The following ZNF407 variants were observed in gnomAD, a reference collection of about 807,000 sequenced individuals.
The protein encoded by ZNF407 is zinc finger protein 407.
In ZNF407, 17 loss-of-function variants were observed where a neutral mutation model predicts 131.2. The ratio of observed to expected loss-of-function variants is 0.13; its 90% CI spans 0.09 to 0.19. The LOEUF (loss-of-function observed/expected upper bound fraction) is 0.19, where lower values mean the gene tolerates loss of function less well. Ranked by LOEUF, ZNF407 falls within the 10% of genes least tolerant of loss-of-function variation. ZNF407 has a pLI of 1.00. For missense variants in ZNF407, 2,681 were observed against 2,830.6 expected, an observed-to-expected ratio of 0.95 and a Z score of 1.20; for synonymous variants, 1,156 against 1,062.0, an observed-to-expected ratio of 1.09 and a Z score of -1.72.
At chr18:74,889,814 C>T (rs1184486147) in intron 6 of ZNF407, 104 bp from the exon 7 acceptor site, 3 of 1,054,170 alleles carry the variant, frequency 2.8e-6, no homozygotes, top group African/African-American at 1.6e-5. Flanking sequence ...ATATTCTTGA[C>T]ATTTCATGGA....
chr18:74,892,974 ACTGTG>A (rs745526442), intron 7 of ZNF407, among the ~76,000 whole-genome samples: 14 of 152,130 alleles, frequency 9.2e-5, no homozygotes, highest in Non-Finnish European at 1.3e-4. Context: ...TCTGATCAGT[ACTGTG>A]CTTTGGTAGA....
Position 74,664,741 on chromosome 18 carries a change from G to T in ZNF407, c.4802+23619G>T, listed in dbSNP as rs150525304. Among the ~76,000 whole-genome samples, 506 of 151,012 alleles carry T rather than the reference G, an allele frequency of 3.4e-3. 4 individuals carry two copies. Among genetic ancestry groups the T allele is most frequent in the Non-Finnish European group, 6.2e-3 (421 of 67,784 alleles). On this transcript the variant is annotated intron_variant, in intron 3 of 8. Transcript: ENST00000299687. ...TTCTCTCTCTTTTTTTTTACTTTCT[G>T]CATTTCTTACCCTCTCTTATAGCAT... is the stretch of plus-strand genomic sequence containing the variant.
chr18:74,633,440 G>T lies in ZNF407; in HGVS notation c.2421G>T (p.Glu807Asp). The T allele has an allele frequency of 3.7e-6, 6 of 1,614,008 alleles. No homozygotes were observed. Among genetic ancestry groups the T allele is most frequent in the Non-Finnish European group, 4.2e-6 (5 of 1,179,902 alleles). The change falls in exon 2 of 9, where the codon GAG (glutamate) becomes GAT (aspartate). Residue 807 changes from glutamate (E) to aspartate (D), a missense_variant. By Grantham distance (45) the Glu-to-Asp change is conservative. Transcript: ENST00000299687. Reference protein sequence around the residue: ...IEGHIGVQLQEHSYLEKGMLA... With the variant: ...IEGHIGVQLQDHSYLEKGMLA... Reference sequence around the variant, plus strand: ...GCCATATAGGTGTGCAATTACAAGAGCATTCCTATCTTGAGAAGGGCATGC... The same window carrying T: ...GCCATATAGGTGTGCAATTACAAGATCATTCCTATCTTGAGAAGGGCATGC...
intron 8 of ZNF407, among the ~76,000 whole-genome samples, chr18:75,028,117 C>T (rs1973192817): frequency 6.6e-6 from 1 of 152,234 alleles, no homozygotes; most frequent in Non-Finnish European, 1.5e-5. Flanking sequence ...CATGAACGCT[C>T]ATTGAACTAC....
Position 74,694,128 on chromosome 18 carries a change from A to G in ZNF407, c.4802+53006A>G, listed in dbSNP as rs557059094. Among the ~76,000 whole-genome samples the G allele has an allele frequency of 1.0e-3, 153 of 152,044 alleles. 1 individual carries two copies. Among genetic ancestry groups the G allele is most frequent in the Non-Finnish European group, 1.7e-3 (118 of 68,012 alleles). On this transcript the variant is annotated intron_variant, in intron 3 of 8. Coordinates refer to ENST00000299687, the MANE Select transcript of ZNF407 (RefSeq NM_017757.3). ...TGAATTTTGGGTTGTTCTGTGGTTC[A>G]TTTTGTTGTCTTCCTTTAAAGAATG...
chr18:74,912,032 C>G (rs541987717), intron 7 of ZNF407, among the ~76,000 whole-genome samples: 1 of 152,006 alleles, frequency 6.6e-6, no homozygotes, highest in South Asian at 2.1e-4. Flanking sequence ...TACAAAAAAG[C>G]AAATTGGGGT....
At chr18:75,045,915 T>C (rs189934332) in intron 8 of ZNF407, among the ~76,000 whole-genome samples, 1 of 152,326 alleles carries the variant, frequency 6.6e-6, no homozygotes, top group East Asian at 1.9e-4. Context: ...CCTGTTCTAT[T>C]ATATTTGTGT....
intron 3 of ZNF407, among the ~76,000 whole-genome samples, chr18:74,681,073 G>A (rs1966971729): frequency 6.6e-6 from 1 of 152,114 alleles, no homozygotes; most frequent in Admixed American, 6.5e-5. Flanking sequence ...TACCAGGCAG[G>A]TGCTGTTAGA....
chr18:74,670,600 G>C (rs1364048860), intron 3 of ZNF407, among the ~76,000 whole-genome samples: 1 of 152,186 alleles, frequency 6.6e-6, no homozygotes, highest in Admixed American at 6.5e-5. Flanking sequence ...ATTCTGCTGT[G>C]ACTTAGGATA....
In ZNF407 at chr18:74,632,437, C is replaced by T. The variant is rs1421080587; in HGVS notation, c.1418C>T (p.Ala473Val). 3 of 1,614,000 alleles carry T rather than the reference C, an allele frequency of 1.9e-6. No individual in the cohort carries two copies. The highest frequency in any genetic ancestry group is 3.3e-5 in the Admixed American group (2 of 60,036). Residue 473 changes from alanine (A) to valine (V), a missense_variant, in exon 2 of 9, where the codon GCA becomes GTA. Around this residue, in one of 6 missense-constraint regions of ZNF407, gnomAD observed 1,789 missense variants for 1,748.7 expected, o/e 1.02. Coordinates refer to ENST00000299687, the MANE Select transcript of ZNF407 (RefSeq NM_017757.3). ...HLRTQMKTHD[A>V]ESVLKHLEAC... ...AGAACACAGATGAAAACACACGATG[C>T]AGAATCAGTGCTGAAACACCTGGAA... is the stretch of plus-strand genomic sequence containing the variant.
intron 1 of ZNF407, among the ~76,000 whole-genome samples, chr18:74,623,006 GTCTGAA>G (rs1983601924): frequency 6.7e-6 from 1 of 149,390 alleles, no homozygotes; most frequent in Admixed American, 6.6e-5. Context: ...GTGTCTGTTA[GTCTGAA>G]TGTGAGTTGG....
intron 3 of ZNF407, among the ~76,000 whole-genome samples, chr18:74,768,048 A>C (rs994879331): frequency 2.6e-5 from 4 of 152,076 alleles, no homozygotes; most frequent in Admixed American, 2.6e-4. Context: ...GGGTACCTTC[A>C]ATTCATTTTC....
chr18:74,701,550 C>G (rs188573790), intron 3 of ZNF407, among the ~76,000 whole-genome samples: 1 of 152,124 alleles, frequency 6.6e-6, no homozygotes, highest in African/African-American at 2.4e-5. Context: ...TACCAGAAAG[C>G]TTCTCTTGCT....
rs938964976 is a variant in ZNF407, at chr18:74,645,311, G to A, written c.4802+4189G>A. ...GTTGTAGAAAACTAATAATTGGCCTGTGATTTCAGTAAACCTAAGAAATGA... is the reference window on the plus strand; with the variant it reads ...GTTGTAGAAAACTAATAATTGGCCTATGATTTCAGTAAACCTAAGAAATGA... On this transcript the variant is annotated intron_variant, in intron 3 of 8. Coordinates refer to ENST00000299687, the MANE Select transcript of ZNF407 (RefSeq NM_017757.3). Among the ~76,000 whole-genome samples, 14 of 152,002 alleles carry A rather than the reference G, an allele frequency of 9.2e-5. 1 individual carries two copies. Among genetic ancestry groups the A allele is most frequent in the Admixed American group, 9.2e-4 (14 of 15,250 alleles).
chr18:74,837,419 A>G (rs1970573257), intron 4 of ZNF407, among the ~76,000 whole-genome samples: 1 of 152,072 alleles, frequency 6.6e-6, no homozygotes, highest in Admixed American at 6.5e-5. Context: ...AAAAAATCCA[A>G]TACTAGATGT....
At chr18:74,957,330 T>C (rs1244133280) in intron 8 of ZNF407, among the ~76,000 whole-genome samples, 1 of 152,166 alleles carries the variant, frequency 6.6e-6, no homozygotes, top group Non-Finnish European at 1.5e-5. Flanking sequence ...CGTCGCCCTT[T>C]CCATAGGCAG....
intron 8 of ZNF407, among the ~76,000 whole-genome samples, chr18:74,945,088 G>A (rs887365249): frequency 1.3e-5 from 2 of 152,176 alleles, no homozygotes; most frequent in Admixed American, 6.5e-5. Flanking sequence ...GTTAACAGGT[G>A]AGATAAGACA....
intron 2 of ZNF407, among the ~76,000 whole-genome samples, chr18:74,640,306 A>C (rs964256610): frequency 2.0e-5 from 3 of 152,168 alleles, no homozygotes; most frequent in African/African-American, 7.2e-5. Context: ...ATGAAATGAC[A>C]ACAAATTTTG....
intron 7 of ZNF407, among the ~76,000 whole-genome samples, chr18:74,908,037 A>G (rs527956899): frequency 1.9e-4 from 29 of 152,126 alleles, no homozygotes; most frequent in Non-Finnish European, 4.0e-4. Context: ...GCTTATTCAT[A>G]TTTTTTAGTT....
Sources: allele counts gnomAD v4.1 joint callset (sites outside exome capture counted in the v4.1 genomes callset), GRCh38; gene constraint gnomAD v4.1.1; regional missense constraint gnomAD v4.1.1; transcripts MANE v1.5; gene names NCBI Gene and HGNC (gene_info 2026-07-23, HGNC 2026-07-21).